The following ARHGAP8 variants were observed in gnomAD, a reference collection of about 807,000 sequenced individuals.
The protein encoded by ARHGAP8 is Rho GTPase activating protein 8, also known as rho GTPase-activating protein 8.
A neutral mutation model predicts 46.1 loss-of-function variants in ARHGAP8; 62 were observed. The observed-to-expected ratio is 1.34, with a 90% confidence interval of 1.10 to 1.66. The LOEUF is 1.66. Among genes scored for constraint, ARHGAP8 ranks in the 40% most tolerant of loss-of-function variants. The pLI, the probability that ARHGAP8 is intolerant of heterozygous loss-of-function variation, is 0.00. For synonymous variants in ARHGAP8, 375 were observed against 243.1 expected (o/e 1.54, Z -5.05); for missense variants, 923 against 568.4 (o/e 1.62, Z -6.34).
chr22:44,851,569 A>C (rs1159679901), intron 10 of ARHGAP8, among the ~76,000 whole-genome samples: 2 of 152,192 alleles, frequency 1.3e-5, no homozygotes, highest in Non-Finnish European at 2.9e-5. Context: ...TCATGCCTGT[A>C]ATCCCAGCAC....
chr22:44,756,795 TAC>T (rs367682664), intron 1 of ARHGAP8, among the ~76,000 whole-genome samples: 70 of 152,170 alleles, frequency 4.6e-4, no homozygotes, highest in African/African-American at 1.6e-3. Context: ...AGTACACATT[TAC>T]AGTGATCAAT....
intron 5 of ARHGAP8, among the ~76,000 whole-genome samples, chr22:44,815,828 T>C (rs1426634875): frequency 6.6e-6 from 1 of 151,122 alleles, no homozygotes; most frequent in African/African-American, 2.5e-5. Flanking sequence ...AGGCACAAAC[T>C]GTGTGCACAG....
At chr22:44,844,274 C>G (rs1157530512) in intron 7 of ARHGAP8, among the ~76,000 whole-genome samples, 3 of 151,878 alleles carry the variant, frequency 2.0e-5, no homozygotes, top group Admixed American at 2.0e-4. Flanking sequence ...CCGGCCACAT[C>G]TAATATATTA....
chr22:44,861,205 C>G (rs745450882), intron 11 of ARHGAP8, among the ~76,000 whole-genome samples: 1 of 152,164 alleles, frequency 6.6e-6, no homozygotes, highest in East Asian at 1.9e-4. Context: ...CTCCTGACCT[C>G]AGGTGATCCA....
intron 4 of ARHGAP8, among the ~76,000 whole-genome samples, chr22:44,810,185 G>A (rs993555122): frequency 1.3e-5 from 2 of 151,706 alleles, no homozygotes; most frequent in African/African-American, 2.4e-5. Context: ...CTGTGATCCC[G>A]GACCTGTCTC....
intron 2 of ARHGAP8, among the ~76,000 whole-genome samples, chr22:44,800,445 C>G (rs538076666): frequency 6.6e-6 from 1 of 152,186 alleles, no homozygotes; most frequent in Non-Finnish European, 1.5e-5. Context: ...TGGCCCGGAG[C>G]CTGGATTCTG....
chr22:44,844,652 AG>A (rs1347486322), intron 7 of ARHGAP8, among the ~76,000 whole-genome samples: 3 of 151,694 alleles, frequency 2.0e-5, no homozygotes, highest in African/African-American at 7.3e-5. Flanking sequence ...TAGTAGAGAC[AG>A]GGTTTCACCA....
At chr22:44,861,138 A>T in intron 11 of ARHGAP8, among the ~76,000 whole-genome samples, 1 of 152,024 alleles carries the variant, frequency 6.6e-6, no homozygotes, top group Non-Finnish European at 1.5e-5. Context: ...TGCCCGGCTA[A>T]TTTTTGTTTT....
At chr22:44,824,213 C>T (rs950373894) in intron 6 of ARHGAP8, among the ~76,000 whole-genome samples, 4 of 152,182 alleles carry the variant, frequency 2.6e-5, no homozygotes, top group Non-Finnish European at 5.9e-5. Flanking sequence ...CCTTGACAAG[C>T]CTCAGTTTCC....
intron 2 of ARHGAP8, among the ~76,000 whole-genome samples, chr22:44,786,971 A>T (rs1927286282): frequency 6.7e-6 from 1 of 149,828 alleles, no homozygotes; most frequent in African/African-American, 2.5e-5. Context: ...GTGAGCCAAG[A>T]TCACACCACT....
chr22:44,763,757 C>T (rs570982820), intron 1 of ARHGAP8, among the ~76,000 whole-genome samples: 1 of 148,642 alleles, frequency 6.7e-6, no homozygotes, highest in East Asian at 2.0e-4. Flanking sequence ...CCAGACAAGG[C>T]GGAATCGGTG....
chr22:44,857,014 C>T (rs1293280895), intron 10 of ARHGAP8, among the ~76,000 whole-genome samples: 2 of 141,610 alleles, frequency 1.4e-5, no homozygotes, highest in Non-Finnish European at 3.0e-5. Flanking sequence ...AATCTCGGCT[C>T]ACTGCAACCT....
chr22:44,773,122 C>A (rs1218849311), intron 1 of ARHGAP8, among the ~76,000 whole-genome samples: 1 of 152,038 alleles, frequency 6.6e-6, no homozygotes, highest in Non-Finnish European at 1.5e-5. Context: ...GGCCAGGAAG[C>A]TTTTCTTAAC....
At chr22:44,849,278 G>C in intron 10 of ARHGAP8, 2 of 836,792 alleles carry the variant, frequency 2.4e-6, no homozygotes, top group Non-Finnish European at 3.5e-6. Flanking sequence ...GGTGGGGTCG[G>C]TCAGGGTTGT....
intron 7 of ARHGAP8, among the ~76,000 whole-genome samples, chr22:44,830,599 C>T (rs915869820): frequency 4.6e-5 from 7 of 152,018 alleles, no homozygotes; most frequent in Admixed American, 6.6e-5. Flanking sequence ...TGCAATGACA[C>T]GATCTCGGCT....
chr22:44,792,412 C>G (rs1262502250), intron 2 of ARHGAP8, among the ~76,000 whole-genome samples: 1 of 152,170 alleles, frequency 6.6e-6, no homozygotes, highest in African/African-American at 2.4e-5. Flanking sequence ...CCTTCCTCCT[C>G]CTGGGCCTCA....
At chr22:44,858,618 G>A (rs2039589902) in intron 10 of ARHGAP8, among the ~76,000 whole-genome samples, 2 of 145,210 alleles carry the variant, frequency 1.4e-5, no homozygotes, top group South Asian at 4.4e-4. Flanking sequence ...TGATGTGCCT[G>A]CCTCGGCCTC....
At chr22:44,861,149 T>G (rs1160407517) in intron 11 of ARHGAP8, among the ~76,000 whole-genome samples, 2 of 152,024 alleles carry the variant, frequency 1.3e-5, no homozygotes, top group Admixed American at 6.5e-5. Context: ...TTTTTGTTTT[T>G]TTAGTAGAGA....
intron 2 of ARHGAP8, among the ~76,000 whole-genome samples, chr22:44,794,273 C>T (rs770851679): frequency 3.3e-5 from 5 of 151,816 alleles, no homozygotes; most frequent in Non-Finnish European, 7.4e-5. Flanking sequence ...TCCTGTAACC[C>T]TCCAAGTCAG....
Sources: allele counts gnomAD v4.1 joint callset (sites outside exome capture counted in the v4.1 genomes callset), GRCh38; gene constraint gnomAD v4.1.1; transcripts MANE v1.5; gene names NCBI Gene and HGNC (gene_info 2026-07-23, HGNC 2026-07-21).